SEC13: variants seen among roughly 807,000 people sequenced by gnomAD.
SEC13 encodes SEC13 homolog, nuclear pore and COPII component, also known as protein SEC13 homolog.
Under a neutral mutation model 49.2 loss-of-function variants are expected in SEC13, and 25 were observed. That is an observed-to-expected ratio of 0.51 (90% CI 0.37 to 0.71). The LOEUF is 0.71. SEC13 is among the 30% of genes least tolerant of loss of function. The pLI is 0.00. For missense variants in SEC13, 383 were observed against 417.6 expected, an observed-to-expected ratio of 0.92 and a Z score of 0.72; for synonymous variants, 148 against 163.9, an observed-to-expected ratio of 0.90 and a Z score of 0.74.
Position 10,304,017 on chromosome 3 carries a change from G to T in SEC13, c.855+9C>A. The T allele has an allele frequency of 6.2e-7, 1 of 1,613,836 alleles. No homozygotes were observed. Among genetic ancestry groups the T allele is most frequent in the East Asian group, 2.2e-5 (1 of 44,880 alleles). On this transcript the variant is annotated intron_variant, in intron 8 of 8. Transcript: ENST00000350697. ...TGTGTCCACCATGCCACGGGGAATG[G>T]GTATGTACCTTATTGTCTCCACCAG... is the stretch of plus-strand genomic sequence containing the variant.
intron 8 of SEC13, among the ~76,000 whole-genome samples, chr3:10,303,379 C>T (rs1700665227): frequency 6.6e-6 from 1 of 152,242 alleles, no homozygotes; most frequent in African/African-American, 2.4e-5. Flanking sequence ...ATGGCTATGG[C>T]TTGTTACTGC....
At chr3:10,311,093 T>C (rs1701224204) in intron 5 of SEC13, among the ~76,000 whole-genome samples, 1 of 152,044 alleles carries the variant, frequency 6.6e-6, no homozygotes, top group African/African-American at 2.4e-5. Flanking sequence ...GTTCTCCCTG[T>C]GTCTGCGTGG....
In SEC13 at chr3:10,305,710, A is replaced by T. The variant is rs374856352; in HGVS notation, c.451-18T>A. On this transcript the variant is annotated intron_variant, in intron 5 of 8. Coordinates refer to ENST00000350697, the MANE Select transcript of SEC13 (RefSeq NM_183352.3). ...CAGCCAATCTGTAAAGATGGGACACATGGTGACTCTGCCTTGCAAGAGAAC... is the reference window on the plus strand; with the variant it reads ...CAGCCAATCTGTAAAGATGGGACACTTGGTGACTCTGCCTTGCAAGAGAAC... The T allele has an allele frequency of 6.2e-7, 1 of 1,613,800 alleles. No homozygotes were observed. The highest frequency in any genetic ancestry group is 8.5e-7 in the Non-Finnish European group (1 of 1,179,790).
chr3:10,312,218 G>A, intron 4 of SEC13, 120 bp from the exon 5 acceptor site: 1 of 1,439,470 alleles, frequency 6.9e-7, no homozygotes, highest in Non-Finnish European at 9.1e-7. Context: ...AGTCACCGGG[G>A]GAAGCTGTAA....
intron 2 of SEC13, 82 bp downstream of exon 2, chr3:10,317,968 G>A: frequency 1.1e-6 from 1 of 897,470 alleles, no homozygotes; most frequent in Non-Finnish European, 1.8e-6. Context: ...ACAGAAAGGG[G>A]TAATGAAAAC....
intron 3 of SEC13, chr3:10,313,153 T>A (rs1463882866): frequency 8.5e-6 from 2 of 235,558 alleles, no homozygotes; most frequent in Non-Finnish European, 1.8e-5. Context: ...TGAGGAGGCA[T>A]TATTGGTTTC....
intron 8 of SEC13, 178 bp downstream of exon 8, chr3:10,303,848 A>T: frequency 1.5e-6 from 1 of 673,400 alleles, no homozygotes; most frequent in Non-Finnish European, 2.7e-6. Flanking sequence ...GGGACGTGTT[A>T]ATACTACCTC....
At chr3:10,304,975 A>ACAAG in intron 7 of SEC13, 58 bp downstream of exon 7, 1 of 1,611,652 alleles carries the variant, frequency 6.2e-7, no homozygotes, top group Admixed American at 1.7e-5. Flanking sequence ...GGAGACTAAG[A>ACAAG]GCTGATGGGC....
At chr3:10,310,967 A>AGAT (rs1223495716) in intron 5 of SEC13, among the ~76,000 whole-genome samples, 10 of 151,788 alleles carry the variant, frequency 6.6e-5, no homozygotes, top group South Asian at 2.1e-4. Context: ...AAAAGACCAC[A>AGAT]GATTGTCTCA....
intron 5 of SEC13, among the ~76,000 whole-genome samples, chr3:10,306,245 C>T (rs549015036): frequency 6.6e-6 from 1 of 152,090 alleles, no homozygotes; most frequent in East Asian, 1.9e-4. Flanking sequence ...TGATTTTTTT[C>T]CTTACAATTT....
At position 10,312,094 on chromosome 3, in the gene SEC13, G is replaced by C. The variant is rs1284168912; in HGVS notation, c.321C>G (p.Asn107Lys). 1.3e-6 allele frequency: 2 copies of C among 1,598,002 alleles called. No individual in the cohort carries two copies. The highest frequency in any genetic ancestry group is 8.5e-7 in the Non-Finnish European group (1 of 1,171,858). ...AGTCATGGGGGGCCCAGCACACCGA[G>C]TTCACTGCGGGAAGAGGGAGAGTGC... Reference protein sequence around the residue: ...HEHAGHDSSVNSVCWAPHDYG... With the variant: ...HEHAGHDSSVKSVCWAPHDYG... The change falls in exon 5 of 9, where the codon AAC (asparagine) becomes AAG (lysine). Residue 107 changes from asparagine to lysine, a missense_variant. By Grantham distance (94) the Asn-to-Lys change is moderately conservative (BLOSUM62 0). Transcript: ENST00000350697.
rs186106957 is a variant in SEC13, at chr3:10,312,009, C to T, written c.406G>A (p.Gly136Arg). ...TTCTTTACTTCCCATTGGCCTTCCC[C>T]GGTGTAAGTCAGCAGGGAGATGGCC... ...DGAISLLTYT[G>R]EGQWEVKKIN... The change falls in exon 5 of 9, where the codon GGG (glycine) becomes AGG (arginine). Residue 136 changes from glycine (G) to arginine (R), a missense_variant. Transcript: ENST00000350697. The T allele has an allele frequency of 2.2e-5, 36 of 1,614,162 alleles. No homozygotes were observed. The highest frequency in any genetic ancestry group is 1.7e-4 in the Middle Eastern group (1 of 6,054).
At chr3:10,308,554 C>A (rs1701033686) in intron 5 of SEC13, among the ~76,000 whole-genome samples, 1 of 152,108 alleles carries the variant, frequency 6.6e-6, no homozygotes, top group East Asian at 1.9e-4. Context: ...GTGTGAACTT[C>A]AAAGTCAATT....
chr3:10,312,075 G>C lies in SEC13; in HGVS notation c.340C>G (p.His114Asp). The C allele has an allele frequency of 6.2e-7, 1 of 1,608,138 alleles. No homozygotes were observed. Among genetic ancestry groups the C allele is most frequent in the Non-Finnish European group, 8.5e-7 (1 of 1,177,120 alleles). The change falls in exon 5 of 9, where the codon CAT becomes GAT. Residue 114 changes from histidine to aspartate, a missense_variant. By Grantham distance (81) the His-to-Asp change is moderately conservative (BLOSUM62 -1). Coordinates refer to ENST00000350697, the MANE Select transcript of SEC13 (RefSeq NM_183352.3). ...SSVNSVCWAP[H>D]DYGLILACGS... ...CAGGCCAGGATCAGGCCGTAGTCAT[G>C]GGGGGCCCAGCACACCGAGTTCACT...
rs1307390435 is a variant in SEC13 at position 10,319,269 on chromosome 3, G to T, written c.4-1175C>A. ...AAGAGGTACACACCAAGTAAGCACA[G>T]GTTCTCTCATCAGATTCTAGACTCT... On this transcript the variant is annotated intron_variant, in intron 1 of 8. Coordinates refer to ENST00000350697, the MANE Select transcript of SEC13 (RefSeq NM_183352.3). 5 of 1,609,018 alleles carry T rather than the reference G, an allele frequency of 3.1e-6. No homozygotes were observed. In the African/African-American group the frequency reaches 6.7e-5, roughly 22 times the overall value.
rs779916572 is a variant in SEC13 at position 10,315,332 on chromosome 3, G to A, written c.153C>T (p.Ala51=). The change falls in exon 3 of 9, where the codon GCC becomes GCT. Residue 51 remains alanine (A), a synonymous_variant. Coordinates refer to ENST00000350697, the MANE Select transcript of SEC13 (RefSeq NM_183352.3). ...DVRNGGQILI[A]DLRGHEGPVW... Reference sequence around the variant, plus strand: ...TCGCCAGCACTTACCCCCTGAGGTCGGCGATAAGGATCTGCCCTCCATTGC... The same window carrying A: ...TCGCCAGCACTTACCCCCTGAGGTCAGCGATAAGGATCTGCCCTCCATTGC... The A allele has an allele frequency of 2.7e-5, 44 of 1,613,066 alleles. No homozygotes were observed. The East Asian group carries it at 7.6e-4, about 28-fold the overall frequency.
At position 10,307,873 on chromosome 3, in the gene SEC13, C is replaced by G. The variant is rs535095955; in HGVS notation, c.451-2181G>C. 2.2e-4 allele frequency among the ~76,000 whole-genome samples: 33 copies of G among 152,214 alleles called. No homozygotes were observed. In the South Asian group the frequency reaches 6.6e-3, roughly 31 times the overall value. Reference sequence around the variant, plus strand: ...TGTGAGCCACTGTGCCTGCCCTGGGCCCAGCCTTTTAACCCTCATTTCGTC... The same window carrying G: ...TGTGAGCCACTGTGCCTGCCCTGGGGCCAGCCTTTTAACCCTCATTTCGTC... On this transcript the variant is annotated intron_variant, in intron 5 of 8. Transcript: ENST00000350697.
intron 8 of SEC13, 81 bp from the exon 9 acceptor site, chr3:10,301,455 T>C: frequency 6.4e-7 from 1 of 1,568,160 alleles, no homozygotes; most frequent in Admixed American, 1.8e-5. Flanking sequence ...CTCATCCTCA[T>C]CAAGAACCAC....
intron 5 of SEC13, chr3:10,311,555 GT>G: frequency 1.3e-6 from 1 of 779,208 alleles, no homozygotes; most frequent in Non-Finnish European, 1.6e-6. Context: ...TTCACCAAAA[GT>G]TGGGTAAAGA....
Sources: gnomAD v4.1 joint callset for allele counts (sites outside exome capture counted in the v4.1 genomes callset) on GRCh38, gnomAD v4.1.1 for gene constraint, MANE v1.5 for transcripts, NCBI Gene and HGNC (gene_info 2026-07-23, HGNC 2026-07-21) for gene names.